The following PXDNL variants were observed in gnomAD, a reference collection of about 807,000 sequenced individuals.
PXDNL encodes peroxidasin like.
In PXDNL, 145 loss-of-function variants were observed where a neutral mutation model predicts 150.8. The observed-to-expected ratio is 0.96, with a 90% CI of 0.84 to 1.10. PXDNL has a LOEUF of 1.10. Ranked by LOEUF, PXDNL falls within the 50% of genes least tolerant of loss-of-function variation. PXDNL has a pLI of 0.00. For missense variants in PXDNL, 2,087 were observed against 1,873.9 expected, an observed-to-expected ratio of 1.11 and a Z score of -2.10; for synonymous variants, 757 against 725.7, an observed-to-expected ratio of 1.04 and a Z score of -0.69.
intron 1 of PXDNL, among the ~76,000 whole-genome samples, chr8:51,675,771 C>T (rs948300619): frequency 5.7e-5 from 7 of 122,182 alleles, no homozygotes; most frequent in Non-Finnish European, 8.0e-5. Flanking sequence ...CCAGCCTGGG[C>T]GACACAGCAA....
chr8:51,457,396 A>G (rs370639153), intron 9 of PXDNL, 102 bp downstream of exon 9: 10 of 921,226 alleles, frequency 1.1e-5, no homozygotes, highest in African/African-American at 1.0e-4. Context: ...ATCACAGTCA[A>G]TGGGAATAGT....
intron 12 of PXDNL, among the ~76,000 whole-genome samples, chr8:51,428,885 T>G (rs1428684825): frequency 7.1e-5 from 3 of 42,402 alleles, no homozygotes; most frequent in African/African-American, 1.6e-4. Context: ...GTGAACACCA[T>G]GCTGAGAGTA....
intron 17 of PXDNL, among the ~76,000 whole-genome samples, chr8:51,394,166 T>C (rs961967341): frequency 3.9e-5 from 6 of 152,212 alleles, no homozygotes; most frequent in African/African-American, 1.2e-4. Context: ...ATTCTATATA[T>C]GTTGGAGCAT....
At chr8:51,507,709 A>G (rs1468781991) in intron 4 of PXDNL, among the ~76,000 whole-genome samples, 2 of 152,158 alleles carry the variant, frequency 1.3e-5, no homozygotes, top group East Asian at 1.9e-4. Flanking sequence ...GTCCCCCTCC[A>G]TCCTCCCAGG....
intron 3 of PXDNL, 38 bp from the exon 4 acceptor site, chr8:51,556,949 G>A (rs986406798): frequency 8.3e-6 from 10 of 1,203,534 alleles, no homozygotes; most frequent in South Asian, 2.5e-5. Context: ...TTATAAATTA[G>A]TAGAGATACC....
intron 10 of PXDNL, among the ~76,000 whole-genome samples, chr8:51,450,826 G>T (rs997777058): frequency 1.3e-5 from 2 of 152,138 alleles, no homozygotes; most frequent in Non-Finnish European, 2.9e-5. Flanking sequence ...CTGGGAGGTA[G>T]GATTGAATTT....
At chr8:51,617,412 ATTC>A (rs1814152918) in intron 2 of PXDNL, among the ~76,000 whole-genome samples, 1 of 152,242 alleles carries the variant, frequency 6.6e-6, no homozygotes, top group South Asian at 2.1e-4. Flanking sequence ...TTAGAATTGC[ATTC>A]TTCAAGTATG....
At chr8:51,521,219 G>A (rs1408657073) in intron 4 of PXDNL, among the ~76,000 whole-genome samples, 3 of 152,146 alleles carry the variant, frequency 2.0e-5, no homozygotes, top group Non-Finnish European at 4.4e-5. Context: ...TGTAGTCTGA[G>A]TGACAGAATG....
chr8:51,522,810 C>G (rs1036160421), intron 4 of PXDNL, among the ~76,000 whole-genome samples: 1 of 152,052 alleles, frequency 6.6e-6, no homozygotes, highest in Non-Finnish European at 1.5e-5. Flanking sequence ...TGCCATTGAA[C>G]TCTAGCCTGG....
At chr8:51,568,385 G>A (rs1258856811) in intron 3 of PXDNL, among the ~76,000 whole-genome samples, 1 of 151,752 alleles carries the variant, frequency 6.6e-6, no homozygotes, top group Admixed American at 6.6e-5. Context: ...CAATACAGAA[G>A]TCTAAACTGG....
chr8:51,701,987 A>G (rs1004554972), intron 1 of PXDNL, among the ~76,000 whole-genome samples: 1 of 152,190 alleles, frequency 6.6e-6, no homozygotes, highest in Non-Finnish European at 1.5e-5. Flanking sequence ...TTTTGTTACA[A>G]CACTGAAAGT....
chr8:51,403,762 C>T (rs775087864), intron 17 of PXDNL, among the ~76,000 whole-genome samples: 2 of 152,136 alleles, frequency 1.3e-5, no homozygotes, highest in Admixed American at 6.5e-5. Flanking sequence ...GCTTCATCTC[C>T]GATGTTATGG....
chr8:51,341,577 A>G lies in PXDNL; in HGVS notation c.4017-1824T>C, dbSNP rs180711850. ...AATCTCTAGAACTAATTTGTCTTGC[A>G]TAAGTAAAACTCTTTACTCATTGAG... On this transcript the variant is annotated intron_variant, in intron 20 of 22. Coordinates refer to ENST00000356297, the MANE Select transcript of PXDNL (RefSeq NM_144651.5). Among the ~76,000 whole-genome samples the G allele has an allele frequency of 4.6e-5, 7 of 152,292 alleles. No homozygotes were observed. The East Asian group carries it at 1.4e-3, about 29-fold the overall frequency.
intron 1 of PXDNL, among the ~76,000 whole-genome samples, chr8:51,777,775 C>A (rs545414077): frequency 1.3e-5 from 2 of 152,024 alleles, no homozygotes; most frequent in Non-Finnish European, 2.9e-5. Context: ...TGGTAGTGGG[C>A]GCCTGTAATC....
intron 12 of PXDNL, among the ~76,000 whole-genome samples, chr8:51,445,995 A>T (rs1809663409): frequency 6.6e-6 from 1 of 152,156 alleles, no homozygotes; most frequent in Admixed American, 6.5e-5. Flanking sequence ...TTAAAAAAAA[A>T]AAAAATTTAG....
intron 2 of PXDNL, among the ~76,000 whole-genome samples, chr8:51,652,895 T>C (rs1411513019): frequency 6.6e-6 from 1 of 152,200 alleles, no homozygotes; most frequent in Admixed American, 6.5e-5. Flanking sequence ...ATAATTAGTG[T>C]TCATCAATAA....
intron 12 of PXDNL, chr8:51,436,457 A>T (rs1586105586): frequency 5.6e-6 from 2 of 359,944 alleles, no homozygotes; most frequent in Admixed American, 7.2e-5. Context: ...CAAGCGAAAG[A>T]TGTGCAGAAA....
chr8:51,356,755 C>T (rs1806522404), intron 19 of PXDNL, among the ~76,000 whole-genome samples: 1 of 152,128 alleles, frequency 6.6e-6, no homozygotes, highest in African/African-American at 2.4e-5. Context: ...CATGAGGTTT[C>T]CCTTTTCCCT....
chr8:51,712,599 C>T (rs1217543247), intron 1 of PXDNL, among the ~76,000 whole-genome samples: 3 of 152,092 alleles, frequency 2.0e-5, no homozygotes, highest in African/African-American at 7.2e-5. Context: ...GGACACTGAT[C>T]ACATGTATCA....
Sources: gnomAD v4.1 joint callset for allele counts (sites outside exome capture counted in the v4.1 genomes callset) on GRCh38, gnomAD v4.1.1 for gene constraint, MANE v1.5 for transcripts, NCBI Gene and HGNC (gene_info 2026-07-23, HGNC 2026-07-21) for gene names.